Variants in CFDP1 observed in about 807,000 individuals in gnomAD.
CFDP1 encodes the protein heterochromatin-stabilizing protein CFDP1.
A neutral mutation model predicts 40.1 loss-of-function variants in CFDP1; 31 were observed. The ratio of observed to expected loss-of-function variants is 0.77; its 90% CI spans 0.58 to 1.04. The LOEUF is 1.04. Ranked by LOEUF, CFDP1 falls within the 50% of genes least tolerant of loss-of-function variation. CFDP1 has a pLI of 0.00. For missense variants in CFDP1, 423 were observed against 343.4 expected (o/e 1.23, Z -1.83); for synonymous variants, 167 against 120.0 (o/e 1.39, Z -2.56).
Position 75,433,251 on chromosome 16 carries a change from G to A in CFDP1, c.64+38C>T, listed in dbSNP as rs1293689576. The A allele has an allele frequency of 1.2e-5, 18 of 1,560,344 alleles. No individual in the cohort carries two copies. In the South Asian group the frequency reaches 1.8e-4, roughly 16 times the overall value. Reference sequence around the variant, plus strand: ...GCGCGCCTCACGTGAGGCGTGGGGCGGGGCAATTCGCTTCTCGCCTCAGGC... The same window carrying A: ...GCGCGCCTCACGTGAGGCGTGGGGCAGGGCAATTCGCTTCTCGCCTCAGGC... On this transcript the variant is annotated intron_variant, in intron 1 of 6. Transcript: ENST00000283882.
chr16:75,391,946 C>T (rs971285301), intron 5 of CFDP1, among the ~76,000 whole-genome samples: 9 of 151,084 alleles, frequency 6.0e-5, no homozygotes, highest in African/African-American at 1.7e-4. Flanking sequence ...CCAGCCTGGA[C>T]GACAGAGCAA....
At position 75,433,497 on chromosome 16, in the gene CFDP1, G is replaced by A. The variant is rs761381944; in HGVS notation, c.-145C>T. On this transcript the variant is annotated 5_prime_UTR_variant, in exon 1 of 7. Coordinates refer to ENST00000283882, the MANE Select transcript of CFDP1 (RefSeq NM_006324.3). ...ACAGCGCTTTGCACATGCGCAGAGA[G>A]TACTACGTGGTTGCCCTACGACACT... 1.3e-4 allele frequency: 89 copies of A among 690,722 alleles called. No homozygotes were observed. Among genetic ancestry groups the A allele is most frequent in the Non-Finnish European group, 2.0e-4 (83 of 405,082 alleles). 42.8% of individuals were successfully genotyped at this position (690,722 alleles called of 1,614,324 possible).
At chr16:75,308,153 G>A (rs904524025) in intron 5 of CFDP1, among the ~76,000 whole-genome samples, 1 of 152,210 alleles carries the variant, frequency 6.6e-6, no homozygotes, top group African/African-American at 2.4e-5. Flanking sequence ...GACAGGTGGT[G>A]GAGCTCAAGC....
intron 5 of CFDP1, among the ~76,000 whole-genome samples, chr16:75,393,737 C>CAAAAAAAAAAAAAAAAAA (rs61344775): frequency 3.7e-5 from 3 of 80,620 alleles, no homozygotes; most frequent in African/African-American, 1.7e-4. Flanking sequence ...GACTCCGTCG[C>CAAAAAAAAAAAAAAAAAA]AAAAAAAAAA....
intron 5 of CFDP1, among the ~76,000 whole-genome samples, chr16:75,354,688 G>GA (rs1197361128): frequency 9.3e-6 from 1 of 107,890 alleles, no homozygotes; most frequent in Non-Finnish European, 2.3e-5. Context: ...ATGTGGTGGG[G>GA]AAAGGGAAAA....
intron 5 of CFDP1, among the ~76,000 whole-genome samples, chr16:75,382,320 G>A (rs544198487): frequency 6.6e-6 from 1 of 152,240 alleles, no homozygotes; most frequent in African/African-American, 2.4e-5. Context: ...AGTATCCCTC[G>A]AAAACACTGA....
At chr16:75,323,228 A>T (rs952020327) in intron 5 of CFDP1, among the ~76,000 whole-genome samples, 12 of 139,588 alleles carry the variant, frequency 8.6e-5, no homozygotes, top group African/African-American at 3.0e-4. Context: ...TTTTAACGTT[A>T]AAAAAAAAAA....
intron 5 of CFDP1, among the ~76,000 whole-genome samples, chr16:75,379,250 T>C (rs1023823556): frequency 6.7e-6 from 1 of 148,638 alleles, no homozygotes; most frequent in Admixed American, 6.7e-5. Flanking sequence ...TAAATGAAAT[T>C]GAAAACATAA....
At chr16:75,313,740 G>T (rs1328851881) in intron 5 of CFDP1, among the ~76,000 whole-genome samples, 2 of 151,978 alleles carry the variant, frequency 1.3e-5, no homozygotes, top group Non-Finnish European at 2.9e-5. Flanking sequence ...ATATCATCAA[G>T]CTGTCTTCTC....
intron 5 of CFDP1, among the ~76,000 whole-genome samples, chr16:75,374,282 C>T (rs144516152): frequency 1.0e-3 from 155 of 151,848 alleles, no homozygotes; most frequent in African/African-American, 3.4e-3. Flanking sequence ...AAGTAGAACA[C>T]TATACTAGCC....
intron 2 of CFDP1, among the ~76,000 whole-genome samples, chr16:75,414,238 T>C (rs1252717030): frequency 1.3e-5 from 2 of 152,092 alleles, no homozygotes; most frequent in African/African-American, 2.4e-5. Flanking sequence ...AATATAGACA[T>C]ATATGCATTT....
At chr16:75,314,813 G>A (rs552480662) in intron 5 of CFDP1, among the ~76,000 whole-genome samples, 16 of 152,182 alleles carry the variant, frequency 1.1e-4, no homozygotes, top group South Asian at 8.3e-4. Context: ...GTGCAGTGGC[G>A]CGATCTCAGG....
At chr16:75,349,684 A>ATATAT (rs1555557207) in intron 5 of CFDP1, among the ~76,000 whole-genome samples, 3 of 8,282 alleles carry the variant, frequency 3.6e-4, no homozygotes, top group South Asian at 5.2e-3. Flanking sequence ...AAAAAAAAAA[A>ATATAT]AAAAAAATAT....
At chr16:75,330,159 C>T (rs1322958322) in intron 5 of CFDP1, among the ~76,000 whole-genome samples, 1 of 152,206 alleles carries the variant, frequency 6.6e-6, no homozygotes, top group East Asian at 1.9e-4. Flanking sequence ...CCTGATATTC[C>T]TCAATGACCC....
At chr16:75,319,429 T>C (rs1346727481) in intron 5 of CFDP1, among the ~76,000 whole-genome samples, 2 of 152,154 alleles carry the variant, frequency 1.3e-5, no homozygotes, top group African/African-American at 4.8e-5. Context: ...CCTTGACACC[T>C]CAAAGTTACA....
chr16:75,319,520 G>A (rs1165904930), intron 5 of CFDP1, among the ~76,000 whole-genome samples: 1 of 152,116 alleles, frequency 6.6e-6, no homozygotes, highest in Non-Finnish European at 1.5e-5. Flanking sequence ...TCAGCACTTA[G>A]CGCTCCTGCT....
chr16:75,419,725 C>A (rs2079255181), intron 1 of CFDP1, among the ~76,000 whole-genome samples: 4 of 152,126 alleles, frequency 2.6e-5, no homozygotes, highest in African/African-American at 9.7e-5. Flanking sequence ...CTAAAACCCA[C>A]CAAAACCAGC....
At chr16:75,355,940 ACTT>A (rs750811986) in intron 5 of CFDP1, among the ~76,000 whole-genome samples, 1 of 152,140 alleles carries the variant, frequency 6.6e-6, no homozygotes, top group Non-Finnish European at 1.5e-5. Context: ...TACAGGCTAT[ACTT>A]CTCATAGTAG....
At chr16:75,398,668 T>C (rs2079019451) in intron 4 of CFDP1, among the ~76,000 whole-genome samples, 1 of 152,086 alleles carries the variant, frequency 6.6e-6, no homozygotes, top group African/African-American at 2.4e-5. Flanking sequence ...AGAGATCATA[T>C]GGGAAGATCA....
Sources: allele counts gnomAD v4.1 joint callset (sites outside exome capture counted in the v4.1 genomes callset), GRCh38; gene constraint gnomAD v4.1.1; transcripts MANE v1.5; gene names NCBI Gene and HGNC (gene_info 2026-07-23, HGNC 2026-07-21).